GPR61: variants seen among roughly 807,000 people sequenced by gnomAD.
GPR61 encodes G protein-coupled receptor 61, also known as G-protein coupled receptor 61.
In GPR61, 15 loss-of-function variants were observed where a neutral mutation model predicts 29.2. The observed-to-expected ratio is 0.51, with a 90% CI of 0.34 to 0.79. GPR61 has a LOEUF of 0.79. Ranked by LOEUF, GPR61 falls within the 30% of genes least tolerant of loss-of-function variation. GPR61 has a pLI of 0.01. For missense variants in GPR61, 399 were observed against 582.5 expected (o/e 0.69, Z 3.24); for synonymous variants, 238 against 242.3 (o/e 0.98, Z 0.17).
At chr1:109,540,493 T>A (rs967812490) in intron 1 of GPR61, among the ~76,000 whole-genome samples, 10 of 152,206 alleles carry the variant, frequency 6.6e-5, no homozygotes, top group Admixed American at 2.6e-4. Flanking sequence ...ACATCTTGCA[T>A]CCTGTAACTT....
At position 109,544,178 on chromosome 1, in the gene GPR61, C is replaced by T; in HGVS notation, c.1156C>T (p.Gln386Ter). Residue 386 changes from glutamine (Q) to a stop codon, truncating the protein, a stop_gained, in exon 2 of 2, where the codon CAG becomes TAG. Coordinates refer to ENST00000527748, the MANE Select transcript of GPR61 (RefSeq NM_001393907.1). LOFTEE classifies it high-confidence loss of function. The surrounding 1 kb of genome is among the most constrained non-coding windows in gnomAD (Gnocchi z 4.6). The part of the protein sequence containing the change: ...SIEENFLQFL[Q>*]GTGCPSESWV... ...TGAGGAGAACTTCCTGCAGTTCCTTCAGGGGACTGGCTGTCCTTCTGAGTC... is the reference window on the plus strand; with the variant it reads ...TGAGGAGAACTTCCTGCAGTTCCTTTAGGGGACTGGCTGTCCTTCTGAGTC... 6.2e-7 allele frequency: 1 copy of T among 1,614,132 alleles called. No homozygotes were observed. The highest frequency in any genetic ancestry group is 1.1e-5 in the South Asian group (1 of 91,080).
Position 109,544,575 on chromosome 1 carries a change from C to A in GPR61, c.*197C>A, listed in dbSNP as rs1266795252. The A allele has an allele frequency of 1.8e-6, 1 of 561,172 alleles. No individual in the cohort carries two copies. The allele number at this position is 561,172 out of a possible 1,614,324, so 34.8% of individuals were successfully genotyped here. Reference sequence around the variant, plus strand: ...CAAAAGCCTTGGACTTGGCTGTGATCTTTGACTGCTAGGGGAGGGAACCTG... The same window carrying A: ...CAAAAGCCTTGGACTTGGCTGTGATATTTGACTGCTAGGGGAGGGAACCTG... On this transcript the variant is annotated 3_prime_UTR_variant, in exon 2 of 2. Transcript: ENST00000527748. The surrounding 1 kb of genome is among the most constrained non-coding windows in gnomAD (Gnocchi z 4.6).
Position 109,543,834 on chromosome 1 carries a change from C to G in GPR61, c.812C>G (p.Ala271Gly), listed in dbSNP as rs779091263. 19 of 1,612,526 alleles carry G rather than the reference C, an allele frequency of 1.2e-5. No individual in the cohort carries two copies. The highest frequency in any genetic ancestry group is 1.4e-5 in the Non-Finnish European group (17 of 1,179,744). Residue 271 changes from alanine (A) to glycine (G), a missense_variant, in exon 2 of 2, where the codon GCC becomes GGC. Ala to Gly is a moderately conservative substitution (Grantham distance 60). Around this residue, in one of 3 missense-constraint regions of GPR61, gnomAD observed 320 missense variants for 459.8 expected, o/e 0.70. Coordinates refer to ENST00000527748, the MANE Select transcript of GPR61 (RefSeq NM_001393907.1). This position sits in a 1 kb window ranked among gnomAD's most constrained non-coding sequence, Gnocchi z 6.8. ...TCCACGATGGTCACCAGCTCGGGGG[C>G]CCCCCAGACCACCCCACACCGGACG... The part of the protein sequence containing the change: ...SRSTMVTSSG[A>G]PQTTPHRTFG...
In GPR61 at chr1:109,544,402, A is replaced by G. The variant is rs1295458471; in HGVS notation, c.*24A>G. On this transcript the variant is annotated 3_prime_UTR_variant, in exon 2 of 2. Transcript: ENST00000527748. The surrounding 1 kb of genome is among the most constrained non-coding windows in gnomAD (Gnocchi z 4.6). ...GATGGGCCGCTGGACACTCGGAGGG[A>G]TATGGGGCTGGGGCCAGTTATGATT... 1 of 1,565,102 alleles carries G rather than the reference A, an allele frequency of 6.4e-7. No homozygotes were observed. The highest frequency in any genetic ancestry group is 8.8e-7 in the Non-Finnish European group (1 of 1,142,474).
chr1:109,540,736 T>C (rs1300299038), intron 1 of GPR61, among the ~76,000 whole-genome samples: 1 of 152,174 alleles, frequency 6.6e-6, no homozygotes, highest in Admixed American at 6.5e-5. Flanking sequence ...AGTCCATTAG[T>C]GAGGGAGTGC....
chr1:109,540,694 T>G (rs1332316895), intron 1 of GPR61, among the ~76,000 whole-genome samples: 3 of 152,176 alleles, frequency 2.0e-5, no homozygotes, highest in African/African-American at 7.2e-5. Flanking sequence ...CCTATGAAAC[T>G]GTTACACCAC....
chr1:109,544,264 C>T lies in GPR61; in HGVS notation c.1242C>T (p.Ile414=), dbSNP rs1482573408. 6.2e-7 allele frequency: 1 copy of T among 1,614,042 alleles called. No homozygotes were observed. The highest frequency in any genetic ancestry group is 1.1e-5 in the South Asian group (1 of 91,084). ...AGCCACCTGCTGTTGACTTTCGAAT[C>T]CCAGGCCAGATAGCTGAGGAGACCT... ...KQEPPAVDFR[I]PGQIAEETSE... is the part of the protein sequence containing the mutation. Residue 414 remains isoleucine (I), a synonymous_variant, in exon 2 of 2, where the codon ATC becomes ATT. Transcript: ENST00000527748. The surrounding 1 kb of genome is among the most constrained non-coding windows in gnomAD (Gnocchi z 4.6).
rs561256400 is a variant in GPR61, at chr1:109,545,104, C to A, written c.*726C>A. 1 of 152,286 alleles carries A rather than the reference C, an allele frequency of 6.6e-6. No individual in the cohort carries two copies. 9.4% of individuals were successfully genotyped at this position (152,286 alleles called of 1,614,324 possible). The stretch of plus-strand genomic sequence containing the variant: ...GTTCTATTTTTCTGTCTCTCTCCTG[C>A]ACACAGGAGATCAAGGGTAGAGCCT... On this transcript the variant is annotated 3_prime_UTR_variant, in exon 2 of 2. Coordinates refer to ENST00000527748, the MANE Select transcript of GPR61 (RefSeq NM_001393907.1).
In GPR61 at chr1:109,546,339, C is replaced by A. The variant is rs1365881530; in HGVS notation, c.*1961C>A. On this transcript the variant is annotated 3_prime_UTR_variant, in exon 2 of 2. Transcript: ENST00000527748. ...ATTGAAAAACATGTTCACCTCTCCT[C>A]CCTATTAAAATAAATGCATACAGAG... 6.6e-5 allele frequency: 10 copies of A among 152,158 alleles called. No homozygotes were observed. The highest frequency in any genetic ancestry group is 1.5e-4 in the Non-Finnish European group (10 of 68,026). 9.4% of individuals were successfully genotyped at this position (152,158 alleles called of 1,614,324 possible).
chr1:109,543,308 CT>C lies in GPR61; in HGVS notation c.287del (p.Leu96ArgfsTer26). ...DLLAALTLMP[L>X]AMLSSSALFD... is the part of the protein sequence containing the mutation. ...GCTGGCTGCCCTGACCCTCATGCCC[CT>C]GGCCATGCTCTCCAGCTCTGCCCTC... On this transcript the variant is annotated frameshift_variant, in exon 2 of 2. Transcript: ENST00000527748. LOFTEE classifies it high-confidence loss of function. This position sits in a 1 kb window ranked among gnomAD's most constrained non-coding sequence, Gnocchi z 6.8. The C allele has an allele frequency of 6.2e-7, 1 of 1,614,066 alleles. No individual in the cohort carries two copies. Among genetic ancestry groups the C allele is most frequent in the Non-Finnish European group, 8.5e-7 (1 of 1,180,022 alleles).
intron 1 of GPR61, among the ~76,000 whole-genome samples, chr1:109,540,938 C>T (rs1189006970): frequency 6.6e-6 from 1 of 152,222 alleles, no homozygotes; most frequent in Non-Finnish European, 1.5e-5. Flanking sequence ...GTCTGCTTCC[C>T]TCCGTCTGGG....
chr1:109,541,313 G>A (rs1647635859), intron 1 of GPR61, among the ~76,000 whole-genome samples: 1 of 152,230 alleles, frequency 6.6e-6, no homozygotes, highest in African/African-American at 2.4e-5. Flanking sequence ...CTTTCCACAA[G>A]AGAGTCCCTT....
Position 109,545,674 on chromosome 1 carries a change from G to C in GPR61, c.*1296G>C, listed in dbSNP as rs1394300600. On this transcript the variant is annotated 3_prime_UTR_variant, in exon 2 of 2. Transcript: ENST00000527748. ...CCTGTCCATCCTACTTCCCTCAATT[G>C]AATCAGGTAACACTAACGGATCAAG... 1.3e-5 allele frequency: 2 copies of C among 152,212 alleles called. No individual in the cohort carries two copies. The highest frequency in any genetic ancestry group is 2.9e-5 in the Non-Finnish European group (2 of 68,040). 9.4% of individuals were successfully genotyped at this position (152,212 alleles called of 1,614,324 possible). A position where few individuals can be genotyped will look rare whatever the true frequency, so the allele number is the denominator to read the frequency against.
Position 109,543,790 on chromosome 1 carries a change from C to T in GPR61, c.768C>T (p.Ser256=), listed in dbSNP as rs373183642. Residue 256 remains serine, a synonymous_variant, in exon 2 of 2, where the codon TCC becomes TCT. Coordinates refer to ENST00000527748, the MANE Select transcript of GPR61 (RefSeq NM_001393907.1). The surrounding 1 kb of genome is among the most constrained non-coding windows in gnomAD (Gnocchi z 6.8). ...GGATGGAGACACCCCGGCAACGCTC[C>T]GAATCTCTCAGCAGCCGCTCCACGA... ...PTWMETPRQR[S]ESLSSRSTMV... is the part of the protein sequence containing the mutation. The T allele has an allele frequency of 6.2e-6, 10 of 1,613,354 alleles. No homozygotes were observed. Among genetic ancestry groups the T allele is most frequent in the Middle Eastern group, 1.6e-4 (1 of 6,084 alleles).
chr1:109,543,623 C>A lies in GPR61; in HGVS notation c.601C>A (p.His201Asn). The change falls in exon 2 of 2, where the codon CAC becomes AAC. Residue 201 changes from histidine to asparagine, a missense_variant. Transcript: ENST00000527748. The surrounding 1 kb of genome is among the most constrained non-coding windows in gnomAD (Gnocchi z 6.8). ...VPPGCSLQWS[H>N]SAYCQLFVVV... The stretch of plus-strand genomic sequence containing the variant: ...CCCAGGCTGTTCACTCCAGTGGAGC[C>A]ACAGTGCCTACTGCCAGCTTTTTGT... 6.2e-7 allele frequency: 1 copy of A among 1,614,170 alleles called. No individual in the cohort carries two copies. Among genetic ancestry groups the A allele is most frequent in the Non-Finnish European group, 8.5e-7 (1 of 1,180,032 alleles).
In GPR61 at chr1:109,547,035, C is replaced by T. The variant is rs1235998209; in HGVS notation, c.*2657C>T. On this transcript the variant is annotated 3_prime_UTR_variant, in exon 2 of 2. Transcript: ENST00000527748. ...TCAGGTGTCCCCAGGCAATATCCTACGGGGGCATGATAGAAAAGGGTAACT... is the reference window on the plus strand; with the variant it reads ...TCAGGTGTCCCCAGGCAATATCCTATGGGGGCATGATAGAAAAGGGTAACT... The T allele has an allele frequency of 5.3e-5, 8 of 152,184 alleles. No individual in the cohort carries two copies. Among genetic ancestry groups the T allele is most frequent in the Admixed American group, 2.6e-4 (4 of 15,280 alleles). 9.4% of individuals were successfully genotyped at this position (152,184 alleles called of 1,614,324 possible). A position where few individuals can be genotyped will look rare whatever the true frequency, so the allele number is the denominator to read the frequency against.
In GPR61 at chr1:109,543,055, G is replaced by A. The variant is rs768170195; in HGVS notation, c.33G>A (p.Gly11=). MESSPIPQSS[G]NSSTLGRVPQ... is the part of the protein sequence containing the mutation. ...CCTCACCCATCCCCCAGTCATCAGG[G>A]AACTCTTCCACTTTGGGGAGGGTCC... is the stretch of plus-strand genomic sequence containing the variant. Residue 11 remains glycine, a synonymous_variant, in exon 2 of 2, where the codon GGG becomes GGA. Transcript: ENST00000527748. This position sits in a 1 kb window ranked among gnomAD's most constrained non-coding sequence, Gnocchi z 6.8. 1.3e-6 allele frequency: 2 copies of A among 1,549,910 alleles called. No individual in the cohort carries two copies. The highest frequency in any genetic ancestry group is 1.9e-5 in the Admixed American group (1 of 52,406).
rs1356794749 is a variant in GPR61, at chr1:109,543,007, GC to G, written c.-13del. 1 of 1,546,556 alleles carries G rather than the reference GC, an allele frequency of 6.5e-7. No individual in the cohort carries two copies. The highest frequency in any genetic ancestry group is 8.7e-7 in the Non-Finnish European group (1 of 1,144,924). On this transcript the variant is annotated 5_prime_UTR_variant, in exon 2 of 2. Transcript: ENST00000527748. The surrounding 1 kb of genome is among the most constrained non-coding windows in gnomAD (Gnocchi z 6.8). Reference sequence around the variant, plus strand: ...GCCTGTGACAGGAGGTACCCTGGGTGCCCTCTTTCGGCCCCATGGAGTCCTC... The same window carrying G: ...GCCTGTGACAGGAGGTACCCTGGGTGCCTCTTTCGGCCCCATGGAGTCCTC...
Position 109,543,255 on chromosome 1 carries a change from T to C in GPR61, c.233T>C (p.Phe78Ser). 1.2e-6 allele frequency: 2 copies of C among 1,614,182 alleles called. No homozygotes were observed. The highest frequency in any genetic ancestry group is 8.5e-7 in the Non-Finnish European group (1 of 1,180,028). ...ACGCCTGCCCTCCGAAAATTTGTCT[T>C]CGTCTTCCACCTCTGCCTGGTGGAC... is the stretch of plus-strand genomic sequence containing the variant. ...AKTPALRKFV[F>S]VFHLCLVDLL... Residue 78 changes from phenylalanine (F) to serine (S), a missense_variant, in exon 2 of 2, where the codon TTC becomes TCC. Physicochemically the swap from Phe to Ser is radical, Grantham distance 155. Coordinates refer to ENST00000527748, the MANE Select transcript of GPR61 (RefSeq NM_001393907.1). The surrounding 1 kb of genome is among the most constrained non-coding windows in gnomAD (Gnocchi z 6.8).
Sources: gnomAD v4.1 joint callset for allele counts (sites outside exome capture counted in the v4.1 genomes callset) on GRCh38, gnomAD v4.1.1 for gene constraint, gnomAD v4.1.1 regional missense constraint, Gnocchi (gnomAD v3.1) non-coding constraint, MANE v1.5 for transcripts, NCBI Gene and HGNC (gene_info 2026-07-23, HGNC 2026-07-21) for gene names.